Variants in ANKRD45 observed in about 807,000 individuals in gnomAD.
The protein encoded by ANKRD45 is ankyrin repeat domain-containing protein 45.
Under a neutral mutation model 28.1 loss-of-function variants are expected in ANKRD45, and 21 were observed. The ratio of observed to expected loss-of-function variants is 0.75; its 90% CI spans 0.53 to 1.08. ANKRD45 has a LOEUF of 1.08. ANKRD45 is among the 50% of genes least tolerant of loss of function. The probability of loss-of-function intolerance (pLI) is 0.00; values close to 1 mark genes in which losing one functional copy is unlikely to be tolerated. For missense variants in ANKRD45, 261 were observed against 308.7 expected (o/e 0.85, Z 1.16); for synonymous variants, 86 against 103.9 (o/e 0.83, Z 1.05).
At chr1:173,672,850 G>A (rs185738988), upstream of ANKRD45, among the ~76,000 whole-genome samples, 3 of 152,250 alleles carry the variant, frequency 2.0e-5, no homozygotes, top group South Asian at 2.1e-4. Flanking sequence ...TGAAGGGGCC[G>A]AGTGCCCATG....
chr1:173,659,361 CT>C lies in ANKRD45; in HGVS notation c.57del (p.Glu20ArgfsTer29). The C allele has an allele frequency of 6.2e-7, 1 of 1,608,024 alleles. No individual in the cohort carries two copies. Among genetic ancestry groups the C allele is most frequent in the Non-Finnish European group, 8.5e-7 (1 of 1,178,466 alleles). ...SESSEFFSQQEEENEEEEAQE... is the reference protein window; with the variant it reads ...SESSEFFSQQXEENEEEEAQE... ...TGGGCTTCTTCTTCTTCATTTTCCT[CT>C]TCTTGCTGTGAGAAAAATTCTGAAC... On this transcript the variant is annotated frameshift_variant, in exon 2 of 6. Coordinates refer to ENST00000333279, the MANE Select transcript of ANKRD45 (RefSeq NM_198493.3). LOFTEE classifies it high-confidence loss of function.
intron 3 of ANKRD45, among the ~76,000 whole-genome samples, chr1:173,637,454 A>C (rs1333447332): frequency 6.6e-6 from 1 of 152,190 alleles, no homozygotes; most frequent in Non-Finnish European, 1.5e-5. Flanking sequence ...GGCATGCCTG[A>C]ATAGGTCCAA....
chr1:173,620,418 C>A (rs1487688346), intron 5 of ANKRD45, among the ~76,000 whole-genome samples: 1 of 152,262 alleles, frequency 6.6e-6, no homozygotes, highest in Non-Finnish European at 1.5e-5. Flanking sequence ...AACAAAGAGA[C>A]AATGTACCAG....
the ANKRD45 span, among the ~76,000 whole-genome samples, chr1:173,675,087 T>C: frequency 6.6e-6 from 1 of 152,080 alleles, no homozygotes; most frequent in Non-Finnish European, 1.5e-5. Flanking sequence ...GGAAAATCAA[T>C]ATAGGCCATA....
the ANKRD45 span, among the ~76,000 whole-genome samples, chr1:173,690,082 C>T: frequency 6.8e-6 from 1 of 146,352 alleles, no homozygotes; most frequent in Non-Finnish European, 1.5e-5. Context: ...CCCCCGACCT[C>T]CCTTGTGGTA....
rs189561094 is a variant in ANKRD45 at position 173,611,019 on chromosome 1, C to T, written c.731-804G>A. Among the ~76,000 whole-genome samples, 444 of 152,130 alleles carry T rather than the reference C, an allele frequency of 2.9e-3. 1 individual carries two copies. Among genetic ancestry groups the T allele is most frequent in the Non-Finnish European group, 4.7e-3 (318 of 68,008 alleles). The stretch of plus-strand genomic sequence containing the variant: ...CATCCCACTGCCCAAAAAATAAAGC[C>T]GAAACTTCTAAGTTTAAAATTTAGT... On this transcript the variant is annotated intron_variant, in intron 5 of 5. Transcript: ENST00000333279.
chr1:173,644,710 G>A (rs1057473363), intron 3 of ANKRD45, among the ~76,000 whole-genome samples: 1 of 152,226 alleles, frequency 6.6e-6, no homozygotes, highest in East Asian at 1.9e-4. Flanking sequence ...ATTATGGAAT[G>A]TGGGCTGGGC....
At chr1:173,638,250 G>C (rs1668543122) in intron 3 of ANKRD45, among the ~76,000 whole-genome samples, 2 of 152,154 alleles carry the variant, frequency 1.3e-5, no homozygotes, top group Admixed American at 6.5e-5. Flanking sequence ...TGGTGTGAGA[G>C]ATTGAGCCTT....
intron 3 of ANKRD45, among the ~76,000 whole-genome samples, chr1:173,640,757 G>C (rs548212172): frequency 5.3e-5 from 8 of 152,064 alleles, no homozygotes; most frequent in African/African-American, 1.4e-4. Flanking sequence ...AGTTGTGATC[G>C]CCTGCAGCTG....
At chr1:173,649,607 T>C (rs927261197) in intron 2 of ANKRD45, among the ~76,000 whole-genome samples, 2 of 152,170 alleles carry the variant, frequency 1.3e-5, no homozygotes, top group African/African-American at 4.8e-5. Context: ...GTGGCTTATT[T>C]TGTCATTTTG....
At chr1:173,710,743 G>A in the ANKRD45 span, among the ~76,000 whole-genome samples, 1 of 152,130 alleles carries the variant, frequency 6.6e-6, no homozygotes, top group Non-Finnish European at 1.5e-5. Flanking sequence ...TTTATCTACT[G>A]GGAAACTGCC....
the ANKRD45 span, among the ~76,000 whole-genome samples, chr1:173,697,806 C>T: frequency 3.5e-4 from 54 of 152,260 alleles, no homozygotes; most frequent in African/African-American, 1.2e-3. Context: ...ATCAAATTCA[C>T]ACATAACAAT....
the ANKRD45 span, among the ~76,000 whole-genome samples, chr1:173,707,038 A>G: frequency 7.2e-5 from 11 of 152,282 alleles, no homozygotes; most frequent in South Asian, 2.1e-3. Context: ...TATGAGCAAG[A>G]TTGCTCATGA....
chr1:173,705,465 C>A, the ANKRD45 span, among the ~76,000 whole-genome samples: 1 of 150,692 alleles, frequency 6.6e-6, no homozygotes, highest in Non-Finnish European at 1.5e-5. Context: ...GAGATCGAGA[C>A]CAGCCTGGGT....
intron 3 of ANKRD45, among the ~76,000 whole-genome samples, chr1:173,641,967 G>A (rs1208437487): frequency 6.6e-6 from 1 of 152,204 alleles, no homozygotes; most frequent in Admixed American, 6.5e-5. Context: ...AGACCTACCA[G>A]CCAGATGGCC....
chr1:173,620,335 C>G (rs969057470), intron 5 of ANKRD45, among the ~76,000 whole-genome samples: 1 of 152,196 alleles, frequency 6.6e-6, no homozygotes, highest in African/African-American at 2.4e-5. Context: ...AATTGAACAA[C>G]CTGCTCCTGA....
At chr1:173,637,067 A>G in intron 3 of ANKRD45, 1 of 1,342,888 alleles carries the variant, frequency 7.4e-7, no homozygotes, top group Non-Finnish European at 1.0e-6. Flanking sequence ...AGCTTAGTCA[A>G]TTATAGATAT....
chr1:173,642,189 C>G (rs1404352580), intron 3 of ANKRD45, among the ~76,000 whole-genome samples: 2 of 152,120 alleles, frequency 1.3e-5, no homozygotes, highest in African/African-American at 4.8e-5. Flanking sequence ...AACATTGGTT[C>G]AGGGGATGGA....
the ANKRD45 span, among the ~76,000 whole-genome samples, chr1:173,707,480 C>T: frequency 6.6e-6 from 1 of 151,900 alleles, no homozygotes; most frequent in Non-Finnish European, 1.5e-5. Context: ...TTACAGGTGC[C>T]CGCCACCATG....
Sources: gnomAD v4.1 joint callset for allele counts (sites outside exome capture counted in the v4.1 genomes callset) on GRCh38, gnomAD v4.1.1 for gene constraint, MANE v1.5 for transcripts, NCBI Gene and HGNC (gene_info 2026-07-23, HGNC 2026-07-21) for gene names.